KLHL32: variants seen among roughly 807,000 people sequenced by gnomAD.
KLHL32 encodes the protein kelch like family member 32.
Under a neutral mutation model 64.8 loss-of-function variants are expected in KLHL32, and 35 were observed. The ratio of observed to expected loss-of-function variants is 0.54; its 90% CI spans 0.41 to 0.72. KLHL32 has a LOEUF of 0.72. Among genes scored for constraint, KLHL32 ranks in the 30% least tolerant of loss-of-function variants. The pLI is 0.00. For missense variants in KLHL32, 589 were observed against 768.5 expected, an observed-to-expected ratio of 0.77 and a Z score of 2.76; for synonymous variants, 259 against 281.0, an observed-to-expected ratio of 0.92 and a Z score of 0.78.
At chr6:96,970,372 G>A (rs570792726) in intron 2 of KLHL32, among the ~76,000 whole-genome samples, 1 of 152,286 alleles carries the variant, frequency 6.6e-6, no homozygotes, top group South Asian at 2.1e-4. Context: ...TTAACTTTCT[G>A]TAGACACTCT....
rs142479378 is a variant in KLHL32, at chr6:97,038,325, CAA to C, written c.205-3156_205-3155del. Among the ~76,000 whole-genome samples the C allele has an allele frequency of 8.5e-3, 1,178 of 139,042 alleles. 15 individuals carry two copies. Among genetic ancestry groups the C allele is most frequent in the African/African-American group, 0.029 (1,119 of 38,080 alleles). The allele number at this position is 139,042 out of a possible 152,430, so 91.2% of individuals were successfully genotyped here. On this transcript the variant is annotated intron_variant, in intron 3 of 10. Coordinates refer to ENST00000369261, the MANE Select transcript of KLHL32 (RefSeq NM_052904.4). ...ATAAGAAACTCAAACAGTTCACTAG[CAA>C]AAAAAAAAAATCCAATTTAAAAATG...
intron 5 of KLHL32, among the ~76,000 whole-genome samples, chr6:97,075,793 T>C (rs936656832): frequency 2.0e-5 from 3 of 152,182 alleles, no homozygotes; most frequent in Non-Finnish European, 4.4e-5. Flanking sequence ...GAATCACAAC[T>C]GGGTATGGTG....
intron 4 of KLHL32, among the ~76,000 whole-genome samples, chr6:97,047,403 A>G (rs1786099971): frequency 6.6e-6 from 1 of 152,194 alleles, no homozygotes; most frequent in African/African-American, 2.4e-5. Flanking sequence ...CCAATGGTGG[A>G]GGGCATAGAG....
At chr6:96,986,074 T>G (rs1431455232) in intron 3 of KLHL32, among the ~76,000 whole-genome samples, 1 of 152,204 alleles carries the variant, frequency 6.6e-6, no homozygotes, top group African/African-American at 2.4e-5. Flanking sequence ...TTCTGTTTGT[T>G]AGTTTTCCTT....
intron 6 of KLHL32, among the ~76,000 whole-genome samples, chr6:97,090,385 T>C (rs529763338): frequency 3.2e-4 from 49 of 152,246 alleles, no homozygotes; most frequent in Non-Finnish European, 5.4e-4. Context: ...AAGCCACATA[T>C]TGTTTAGTCA....
In KLHL32 at chr6:97,132,646, A is replaced by T. The variant is rs1199027303; in HGVS notation, c.1607-7A>T. On this transcript the variant is annotated splice_polypyrimidine_tract_variant and splice_region_variant and intron_variant, in intron 9 of 10. Coordinates refer to ENST00000369261, the MANE Select transcript of KLHL32 (RefSeq NM_052904.4). ...TTTTTCTTTTTATTCAATTCTCTTT[A>T]CTTTAGGCCAAAATGAATCTGGAGT... is the stretch of plus-strand genomic sequence containing the variant. The T allele has an allele frequency of 1.3e-6, 2 of 1,591,678 alleles. No individual in the cohort carries two copies. The highest frequency in any genetic ancestry group is 1.1e-5 in the South Asian group (1 of 88,404).
intron 7 of KLHL32, among the ~76,000 whole-genome samples, chr6:97,114,994 A>G (rs531956957): frequency 6.6e-6 from 1 of 152,272 alleles, no homozygotes; most frequent in East Asian, 1.9e-4. Flanking sequence ...GAGAGAAGGG[A>G]TTTAAGTTAC....
chr6:97,028,251 A>C (rs1783022783), intron 3 of KLHL32, among the ~76,000 whole-genome samples: 1 of 152,106 alleles, frequency 6.6e-6, no homozygotes, highest in African/African-American at 2.4e-5. Context: ...GGCAATACCA[A>C]TGCTGCTATT....
intron 3 of KLHL32, among the ~76,000 whole-genome samples, chr6:96,996,478 T>G (rs1449350268): frequency 2.0e-5 from 3 of 152,296 alleles, no homozygotes; most frequent in Admixed American, 6.5e-5. Flanking sequence ...TAAATGAGTA[T>G]AATATGTAAT....
intron 1 of KLHL32, among the ~76,000 whole-genome samples, chr6:96,944,554 A>G (rs185949641): frequency 1.2e-3 from 186 of 152,286 alleles, no homozygotes; most frequent in South Asian, 2.5e-3. Flanking sequence ...CTATATATTC[A>G]TATTGTACTT....
chr6:96,899,368 T>A, the KLHL32 span, among the ~76,000 whole-genome samples: 7 of 152,338 alleles, frequency 4.6e-5, no homozygotes, highest in East Asian at 1.9e-4. Flanking sequence ...TGCCTCATTA[T>A]GTCTATGTGC....
the KLHL32 span, among the ~76,000 whole-genome samples, chr6:96,912,422 A>C: frequency 6.6e-6 from 1 of 152,060 alleles, no homozygotes; most frequent in African/African-American, 2.4e-5. Flanking sequence ...TTAGTCAATA[A>C]GTTTCCTCTT....
At chr6:96,918,944 A>C in the KLHL32 span, among the ~76,000 whole-genome samples, 1 of 152,182 alleles carries the variant, frequency 6.6e-6, no homozygotes, top group Admixed American at 6.5e-5. Context: ...TGTGCAGTAT[A>C]GCATCCCTTT....
At chr6:97,073,236 A>G (rs911559012) in intron 5 of KLHL32, among the ~76,000 whole-genome samples, 1 of 152,110 alleles carries the variant, frequency 6.6e-6, no homozygotes, top group African/African-American at 2.4e-5. Context: ...CTGTTCCTGA[A>G]ATTTTGGGGA....
chr6:97,112,761 A>C (rs1456548077), intron 6 of KLHL32, among the ~76,000 whole-genome samples: 2 of 150,564 alleles, frequency 1.3e-5, no homozygotes, highest in African/African-American at 2.4e-5. Context: ...AATTTTTTTA[A>C]TTTTAAAAAA....
intron 7 of KLHL32, among the ~76,000 whole-genome samples, chr6:97,121,009 T>C (rs529563125): frequency 6.6e-6 from 1 of 152,306 alleles, no homozygotes; most frequent in South Asian, 2.1e-4. Context: ...GAGAGCTAAA[T>C]GATTTAAAGG....
chr6:97,018,690 G>C (rs532518508), intron 3 of KLHL32, among the ~76,000 whole-genome samples: 2 of 152,040 alleles, frequency 1.3e-5, no homozygotes, highest in East Asian at 3.9e-4. Flanking sequence ...AAAAACATAT[G>C]TGTAACAATA....
At chr6:97,044,360 G>T (rs1785598530) in intron 4 of KLHL32, among the ~76,000 whole-genome samples, 1 of 151,978 alleles carries the variant, frequency 6.6e-6, no homozygotes, top group Non-Finnish European at 1.5e-5. Context: ...CTTGATCATA[G>T]TGAATGATTC....
chr6:97,122,182 C>G (rs1272682607), intron 7 of KLHL32, among the ~76,000 whole-genome samples: 1 of 152,112 alleles, frequency 6.6e-6, no homozygotes, highest in Non-Finnish European at 1.5e-5. Context: ...AAGTTTGCAC[C>G]TATTTGCTCT....
Sources: allele counts gnomAD v4.1 joint callset (sites outside exome capture counted in the v4.1 genomes callset), GRCh38; gene constraint gnomAD v4.1.1; transcripts MANE v1.5; gene names NCBI Gene and HGNC (gene_info 2026-07-23, HGNC 2026-07-21).